Variants in CHSY3 observed in about 807,000 individuals in gnomAD.
The protein encoded by CHSY3 is chondroitin sulfate synthase 3.
In CHSY3, 35 loss-of-function variants were observed where a neutral mutation model predicts 67.2. The ratio of observed to expected loss-of-function variants is 0.52; its 90% CI spans 0.40 to 0.69. The LOEUF is 0.69. Ranked by LOEUF, CHSY3 falls within the 30% of genes least tolerant of loss-of-function variation. The pLI is 0.00. For missense variants in CHSY3, 1,069 were observed against 1,138.5 expected (o/e 0.94, Z 0.88); for synonymous variants, 474 against 434.7 (o/e 1.09, Z -1.12).
chr5:130,141,228 A>T (rs1768854962), intron 2 of CHSY3: 2 of 489,206 alleles, frequency 4.1e-6, no homozygotes, highest in Admixed American at 2.5e-5. Context: ...TTTTCTTGGT[A>T]TTGAAACTGC....
intron 2 of CHSY3, among the ~76,000 whole-genome samples, chr5:130,159,038 G>A (rs1030006807): frequency 3.9e-5 from 6 of 152,152 alleles, no homozygotes; most frequent in South Asian, 2.1e-4. Flanking sequence ...GAGTGCAAGC[G>A]ATCTGCCTGC....
At chr5:130,177,952 C>CT (rs1770105750) in intron 2 of CHSY3, among the ~76,000 whole-genome samples, 1 of 151,436 alleles carries the variant, frequency 6.6e-6, no homozygotes, top group Non-Finnish European at 1.5e-5. Context: ...CTTTTTTTGT[C>CT]TTTTTGCTTA....
chr5:130,077,195 G>A (rs1434996761), intron 2 of CHSY3, among the ~76,000 whole-genome samples: 1 of 151,858 alleles, frequency 6.6e-6, no homozygotes, highest in Non-Finnish European at 1.5e-5. Flanking sequence ...CATAAATGGT[G>A]CCCACATGTG....
intron 2 of CHSY3, among the ~76,000 whole-genome samples, chr5:130,115,917 C>A (rs1767781029): frequency 2.0e-5 from 3 of 152,212 alleles, no homozygotes; most frequent in Admixed American, 2.0e-4. Flanking sequence ...TCTGACTGAG[C>A]TCACGTCGAC....
At chr5:129,964,525 T>G (rs1335882742) in intron 2 of CHSY3, among the ~76,000 whole-genome samples, 1 of 151,754 alleles carries the variant, frequency 6.6e-6, no homozygotes, top group African/African-American at 2.4e-5. Context: ...TAGCTCTCAA[T>G]CCATCCCTGT....
At chr5:130,131,537 A>G (rs184683404) in intron 2 of CHSY3, among the ~76,000 whole-genome samples, 1 of 152,286 alleles carries the variant, frequency 6.6e-6, no homozygotes, top group East Asian at 1.9e-4. Flanking sequence ...CTACCATCCT[A>G]TATGGTAAAT....
intron 2 of CHSY3, among the ~76,000 whole-genome samples, chr5:130,183,054 A>G (rs1288554332): frequency 6.6e-6 from 1 of 151,712 alleles, no homozygotes; most frequent in African/African-American, 2.4e-5. Context: ...ATTCATCAGT[A>G]TATTTGCAGA....
chr5:130,165,354 G>C (rs577467085), intron 2 of CHSY3, among the ~76,000 whole-genome samples: 1 of 152,220 alleles, frequency 6.6e-6, no homozygotes, highest in South Asian at 2.1e-4. Flanking sequence ...GGAGAGCAAT[G>C]ATATAATAAT....
intron 2 of CHSY3, 91 bp downstream of exon 2, chr5:129,908,451 A>G: frequency 2.7e-6 from 4 of 1,496,366 alleles, no homozygotes; most frequent in Admixed American, 4.4e-5. Context: ...TTCTCTCTGT[A>G]TCTTTGTATT....
chr5:130,073,865 TCA>T (rs1766169305), intron 2 of CHSY3, among the ~76,000 whole-genome samples: 1 of 152,146 alleles, frequency 6.6e-6, no homozygotes, highest in Non-Finnish European at 1.5e-5. Flanking sequence ...TCATCCTGTG[TCA>T]CAGACTTGAG....
At chr5:130,165,347 G>A (rs1769713173) in intron 2 of CHSY3, among the ~76,000 whole-genome samples, 1 of 152,066 alleles carries the variant, frequency 6.6e-6, no homozygotes, top group Non-Finnish European at 1.5e-5. Context: ...GCTTAAAGGA[G>A]AGCAATGATA....
intron 2 of CHSY3, among the ~76,000 whole-genome samples, chr5:129,945,794 G>A (rs1005261564): frequency 4.6e-5 from 7 of 152,040 alleles, no homozygotes; most frequent in Non-Finnish European, 1.0e-4. Flanking sequence ...TTTTGATTCT[G>A]TTTCTTTTCT....
intron 2 of CHSY3, among the ~76,000 whole-genome samples, chr5:130,179,492 T>C (rs1770181605): frequency 6.6e-6 from 1 of 152,160 alleles, no homozygotes; most frequent in South Asian, 2.1e-4. Flanking sequence ...CCTATTTTTT[T>C]CTGATTTTAT....
chr5:130,003,805 G>T lies in CHSY3; in HGVS notation c.1086+95445G>T, dbSNP rs1228496742. On this transcript the variant is annotated intron_variant, in intron 2 of 2. Coordinates refer to ENST00000305031, the MANE Select transcript of CHSY3 (RefSeq NM_175856.5). ...GTATATGACTGCCAAGTTGGTTTAA[G>T]CACCTTGAACATGTCAATGGTTAAT... is the stretch of plus-strand genomic sequence containing the variant. Among the ~76,000 whole-genome samples the T allele has an allele frequency of 3.3e-5, 5 of 152,218 alleles. No homozygotes were observed. The South Asian group carries it at 6.2e-4, about 19-fold the overall frequency.
At chr5:130,135,102 T>C (rs1247872068) in intron 2 of CHSY3, among the ~76,000 whole-genome samples, 1 of 152,114 alleles carries the variant, frequency 6.6e-6, no homozygotes, top group Admixed American at 6.6e-5. Flanking sequence ...TACGTGTCTA[T>C]ATTTTTAAAC....
At chr5:130,123,886 T>C (rs1467045082) in intron 2 of CHSY3, among the ~76,000 whole-genome samples, 1 of 151,176 alleles carries the variant, frequency 6.6e-6, no homozygotes, top group Non-Finnish European at 1.5e-5. Context: ...TGAAACCCCA[T>C]CTCTACTAAA....
chr5:129,926,862 C>T (rs1362364291), intron 2 of CHSY3, among the ~76,000 whole-genome samples: 2 of 151,762 alleles, frequency 1.3e-5, no homozygotes, highest in African/African-American at 4.8e-5. Context: ...ATTCAATTCA[C>T]TAACTTCTGC....
At position 130,186,139 on chromosome 5, in the gene CHSY3, A is replaced by G. The variant is rs539716660; in HGVS notation, c.*348A>G. The G allele has an allele frequency of 6.4e-6, 1 of 155,442 alleles. No homozygotes were observed. Among genetic ancestry groups the G allele is most frequent in the South Asian group, 2.1e-4 (1 of 4,858 alleles). The allele number at this position is 155,442 out of a possible 1,614,324, so 9.6% of individuals were successfully genotyped here. A position where few individuals can be genotyped will look rare whatever the true frequency, so the allele number is the denominator to read the frequency against. ...TGTTCTCTTGGGGCTTAAAGATGCA[A>G]TATCGACTTTTATTTGGTTTCTCAA... is the stretch of plus-strand genomic sequence containing the variant. On this transcript the variant is annotated 3_prime_UTR_variant, in exon 3 of 3. Transcript: ENST00000305031.
At chr5:130,126,611 G>T (rs1460891600) in intron 2 of CHSY3, among the ~76,000 whole-genome samples, 1 of 152,116 alleles carries the variant, frequency 6.6e-6, no homozygotes, top group African/African-American at 2.4e-5. Context: ...GAGAGACCTT[G>T]CTCAGTCTAT....
Sources: gnomAD v4.1 joint callset for allele counts (sites outside exome capture counted in the v4.1 genomes callset) on GRCh38, gnomAD v4.1.1 for gene constraint, MANE v1.5 for transcripts, NCBI Gene and HGNC (gene_info 2026-07-23, HGNC 2026-07-21) for gene names.